The following PCDHGA10 variants were observed in gnomAD, a reference collection of about 807,000 sequenced individuals.
PCDHGA10 encodes the protein protocadherin gamma-A10.
A neutral mutation model predicts 59.5 loss-of-function variants in PCDHGA10; 42 were observed. The observed-to-expected ratio is 0.71, with a 90% confidence interval of 0.55 to 0.91. The LOEUF (loss-of-function observed/expected upper bound fraction) is 0.91. PCDHGA10 is among the 40% of genes least tolerant of loss of function. The probability of loss-of-function intolerance (pLI) is 0.00; values close to 1 mark genes in which losing one functional copy is unlikely to be tolerated. For synonymous variants in PCDHGA10, 511 were observed against 517.2 expected, an observed-to-expected ratio of 0.99 and a Z score of 0.16; for missense variants, 1,111 against 1,198.2, an observed-to-expected ratio of 0.93 and a Z score of 1.07.
At chr5:141,467,050 G>T (rs6580189) in intron 1 of PCDHGA10, among the ~76,000 whole-genome samples, 42,616 of 146,752 alleles carry the variant, frequency 0.29, 6,868 homozygotes, top group African/African-American at 0.45. Flanking sequence ...ATGAATCAAT[G>T]TTTTCTTTTT....
At chr5:141,478,044 C>T in intron 1 of PCDHGA10, 2 of 1,614,184 alleles carry the variant, frequency 1.2e-6, no homozygotes, top group South Asian at 1.1e-5. Flanking sequence ...CCCAGGCAGA[C>T]TCTCACGGTC....
chr5:141,415,819 T>C, intron 1 of PCDHGA10: 1 of 1,328,322 alleles, frequency 7.5e-7, no homozygotes, highest in Admixed American at 3.5e-5. Context: ...CTATATATCA[T>C]AAGGCTTTGT....
intron 1 of PCDHGA10, chr5:141,428,598 C>T (rs2097150047): frequency 4.5e-6 from 1 of 224,296 alleles, no homozygotes; most frequent in African/African-American, 2.3e-5. Context: ...TAGCAAGCTT[C>T]ACTGAAGAGA....
intron 1 of PCDHGA10, among the ~76,000 whole-genome samples, chr5:141,430,159 A>G (rs1324343997): frequency 6.6e-6 from 1 of 152,176 alleles, no homozygotes; most frequent in Non-Finnish European, 1.5e-5. Context: ...CAAGGAATCT[A>G]TTTAAAAATA....
chr5:141,492,360 G>A (rs2099739696), intron 1 of PCDHGA10, among the ~76,000 whole-genome samples: 1 of 152,190 alleles, frequency 6.6e-6, no homozygotes, highest in African/African-American at 2.4e-5. Context: ...CCACTCGCTC[G>A]CGGCCAGATT....
intron 1 of PCDHGA10, among the ~76,000 whole-genome samples, chr5:141,483,557 G>A (rs141633312): frequency 4.5e-4 from 69 of 152,276 alleles, no homozygotes; most frequent in Admixed American, 1.9e-3. Context: ...GCCATTCACA[G>A]AGACAGTGAA....
At chr5:141,418,568 G>A (rs769914679) in intron 1 of PCDHGA10, 62 of 1,613,902 alleles carry the variant, frequency 3.8e-5, no homozygotes, top group Non-Finnish European at 5.2e-5. Context: ...AGATGCCAAT[G>A]ACAACCCCCC....
At chr5:141,505,151 G>T (rs2099844154) in intron 2 of PCDHGA10, among the ~76,000 whole-genome samples, 1 of 152,164 alleles carries the variant, frequency 6.6e-6, no homozygotes, top group Non-Finnish European at 1.5e-5. Context: ...GACAGAGTAA[G>T]ACCCTGTCTA....
In PCDHGA10 at chr5:141,476,875, C is replaced by T; in HGVS notation, c.2437-17932C>T. On this transcript the variant is annotated intron_variant, in intron 1 of 3. Coordinates refer to ENST00000398610, the MANE Select transcript of PCDHGA10 (RefSeq NM_018913.3). The surrounding 1 kb of genome is among the most constrained non-coding windows in gnomAD (Gnocchi z 7.6). ...ACCAGTCCTTGTACCGGGCGCGCGT[C>T]CTGGAGGATGCACCCTCCGGCACGC... 2 of 1,613,928 alleles carry T rather than the reference C, an allele frequency of 1.2e-6. No homozygotes were observed. Among genetic ancestry groups the T allele is most frequent in the Non-Finnish European group, 1.7e-6 (2 of 1,180,044 alleles).
intron 1 of PCDHGA10, chr5:141,424,481 G>A (rs1397559058): frequency 6.6e-6 from 1 of 152,056 alleles, no homozygotes; most frequent in Non-Finnish European, 1.5e-5. Flanking sequence ...TTACTTTGGT[G>A]TCTGTGTTTG....
chr5:141,415,920 G>T, intron 1 of PCDHGA10: 1 of 692,798 alleles, frequency 1.4e-6, no homozygotes, highest in Non-Finnish European at 2.0e-6. Context: ...AGAAGTGCCT[G>T]TCAATTTATA....
chr5:141,461,480 G>A (rs1478939044), intron 1 of PCDHGA10, among the ~76,000 whole-genome samples: 1 of 151,970 alleles, frequency 6.6e-6, no homozygotes, highest in Non-Finnish European at 1.5e-5. Context: ...ACTTTTTAAT[G>A]GGATTGTGTT....
chr5:141,430,632 C>T, intron 1 of PCDHGA10: 1 of 852,604 alleles, frequency 1.2e-6, no homozygotes, highest in Non-Finnish European at 1.7e-6. Flanking sequence ...AATGAACCAT[C>T]CCTGGGAGTA....
intron 1 of PCDHGA10, chr5:141,421,347 C>G: frequency 6.2e-7 from 1 of 1,613,948 alleles, no homozygotes; most frequent in Non-Finnish European, 8.5e-7. Flanking sequence ...CAGAAGAGAC[C>G]GAAAAGGGCT....
intron 2 of PCDHGA10, among the ~76,000 whole-genome samples, chr5:141,500,138 ACTTTT>A: frequency 6.6e-6 from 1 of 150,560 alleles, no homozygotes; most frequent in Middle Eastern, 3.2e-3. Flanking sequence ...ATCTTTCTAA[ACTTTT>A]CTTTGTGTAA....
intron 1 of PCDHGA10, chr5:141,419,481 C>A (rs2096389716): frequency 2.5e-6 from 4 of 1,612,424 alleles, no homozygotes; most frequent in Non-Finnish European, 3.4e-6. Context: ...GGCTCGCCCG[C>A]GCTCAGCGCC....
chr5:141,418,523 C>T (rs2096266495), intron 1 of PCDHGA10: 1 of 1,613,958 alleles, frequency 6.2e-7, no homozygotes, highest in Non-Finnish European at 8.5e-7. Context: ...GGACCCTCCC[C>T]GAAGCGGTAC....
intron 1 of PCDHGA10, among the ~76,000 whole-genome samples, chr5:141,430,013 G>T (rs2097256191): frequency 6.6e-6 from 1 of 151,922 alleles, no homozygotes; most frequent in South Asian, 2.1e-4. Context: ...TTTTCACTTG[G>T]GTTCTTGTTA....
At chr5:141,419,756 G>A in intron 1 of PCDHGA10, 7 of 1,614,008 alleles carry the variant, frequency 4.3e-6, no homozygotes, top group East Asian at 2.2e-5. Flanking sequence ...GCGTGCTTTG[G>A]GTGACAAGGA....
Sources: allele counts gnomAD v4.1 joint callset (sites outside exome capture counted in the v4.1 genomes callset), GRCh38; gene constraint gnomAD v4.1.1; non-coding constraint Gnocchi (gnomAD v3.1); transcripts MANE v1.5; gene names NCBI Gene and HGNC (gene_info 2026-07-23, HGNC 2026-07-21).